Variants in NXNL2 observed in about 807,000 individuals in gnomAD.
The protein encoded by NXNL2 is nucleoredoxin-like protein 2.
In NXNL2, 7 loss-of-function variants were observed where a neutral mutation model predicts 11.1. The observed-to-expected ratio is 0.63, with a 90% CI of 0.36 to 1.18. The LOEUF (loss-of-function observed/expected upper bound fraction) is 1.18, where lower values mean the gene tolerates loss of function less well. Among genes scored for constraint, NXNL2 ranks in the 50% most tolerant of loss-of-function variants. The pLI is 0.02. For missense variants in NXNL2, 233 were observed against 217.7 expected (o/e 1.07, Z -0.44); for synonymous variants, 109 against 101.8 (o/e 1.07, Z -0.42).
At chr9:88,582,447 C>T (rs571181869) in intron 1 of NXNL2, among the ~76,000 whole-genome samples, 1 of 151,230 alleles carries the variant, frequency 6.6e-6, no homozygotes, top group Non-Finnish European at 1.5e-5. Context: ...CCAGCCTGGG[C>T]GACAGAGAGA....
downstream of NXNL2, among the ~76,000 whole-genome samples, chr9:88,545,897 G>A (rs1409183275): frequency 1.3e-5 from 2 of 152,006 alleles, no homozygotes; most frequent in African/African-American, 4.8e-5. Context: ...CTCCCGAGTA[G>A]CTGGGATTAC....
downstream of NXNL2, among the ~76,000 whole-genome samples, chr9:88,546,855 G>T (rs761765115): frequency 6.6e-6 from 1 of 152,154 alleles, no homozygotes; most frequent in African/African-American, 2.4e-5. Context: ...GAAGCAATAC[G>T]TGCTCACTGT....
chr9:88,566,455 A>G (rs1432548851), intron 1 of NXNL2, among the ~76,000 whole-genome samples: 58 of 152,004 alleles, frequency 3.8e-4, no homozygotes, highest in Non-Finnish European at 5.9e-5. Context: ...GGCACGCACC[A>G]CCACACCTGG....
At chr9:88,571,821 C>T (rs184248877) in intron 2 of NXNL2, among the ~76,000 whole-genome samples, 8 of 152,290 alleles carry the variant, frequency 5.3e-5, no homozygotes, top group Non-Finnish European at 1.2e-4. Context: ...GGCCAGTCCT[C>T]CTCAGAATTG....
chr9:88,571,136 G>C (rs1385725589), exon 2 of NXNL2: 5 of 383,350 alleles, frequency 1.3e-5, no homozygotes, highest in Non-Finnish European at 2.5e-5. Context: ...CGTGATCTTA[G>C]CTCACTGCAA....
intron 1 of NXNL2, among the ~76,000 whole-genome samples, chr9:88,583,768 GC>G (rs1587860219): frequency 6.6e-6 from 1 of 152,322 alleles, no homozygotes; most frequent in East Asian, 1.9e-4. Flanking sequence ...TCACAGGGTA[GC>G]CCTAATCTGA....
At chr9:88,571,050 AC>A (rs1206085456) in intron 1 of NXNL2, 1 of 393,158 alleles carries the variant, frequency 2.5e-6, no homozygotes, top group Non-Finnish European at 4.9e-6. Flanking sequence ...GGTCCCCAAT[AC>A]TGTTTTGATG....
At position 88,582,426 on chromosome 9, in the gene NXNL2, A is replaced by G. The variant is rs570806882; in HGVS notation, n.552-1573A>G. On this transcript the variant is annotated intron_variant and non_coding_transcript_variant, in intron 1 of 1. Transcript: ENST00000478686. ...GGAGCTTGCAGTGAGCCGAGATCGC[A>G]CCACTGCACTCCAGCCTGGGCGACA... is the stretch of plus-strand genomic sequence containing the variant. 5.5e-3 allele frequency among the ~76,000 whole-genome samples: 838 copies of G among 152,200 alleles called. 7 individuals are homozygous for G. The highest frequency in any genetic ancestry group is 0.022 in the South Asian group (104 of 4,812).
At position 88,535,339 on chromosome 9, in the gene NXNL2, C is replaced by T. The variant is rs972170480; in HGVS notation, c.-96C>T. The T allele has an allele frequency of 6.2e-6, 8 of 1,283,140 alleles. No homozygotes were observed. The highest frequency in any genetic ancestry group is 7.3e-6 in the Non-Finnish European group (7 of 955,594). 79.5% of individuals were successfully genotyped at this position (1,283,140 alleles called of 1,614,324 possible). A position where few individuals can be genotyped will look rare whatever the true frequency, so the allele number is the denominator to read the frequency against. ...GAGGTCCAGCGCCCGGTGGTGCGGACAGAGGCGGGGCACCGCGGCGCTCGC... is the reference window on the plus strand; with the variant it reads ...GAGGTCCAGCGCCCGGTGGTGCGGATAGAGGCGGGGCACCGCGGCGCTCGC... On this transcript the variant is annotated 5_prime_UTR_variant, in exon 1 of 2. Transcript: ENST00000375854.
chr9:88,561,113 T>C (rs1184383023), intron 1 of NXNL2, among the ~76,000 whole-genome samples: 1 of 152,138 alleles, frequency 6.6e-6, no homozygotes, highest in East Asian at 1.9e-4. Context: ...GAGATTAACA[T>C]TTGAGTCAGT....
chr9:88,540,977 G>T, intron 1 of NXNL2, among the ~76,000 whole-genome samples: 1 of 112,776 alleles, frequency 8.9e-6, no homozygotes. Flanking sequence ...CTAGGGTCTT[G>T]CACCATCATC....
chr9:88,573,654 G>A (rs2118539318), intron 2 of NXNL2, among the ~76,000 whole-genome samples: 1 of 152,336 alleles, frequency 6.6e-6, no homozygotes, highest in Non-Finnish European at 1.5e-5. Context: ...GTTGCCAAGA[G>A]CAGGAGGAGG....
intron 1 of NXNL2, among the ~76,000 whole-genome samples, chr9:88,568,549 A>T (rs1830212303): frequency 6.6e-6 from 1 of 152,208 alleles, no homozygotes; most frequent in Non-Finnish European, 1.5e-5. Context: ...TGCATCTGGC[A>T]TTATCTTTCC....
downstream of NXNL2, among the ~76,000 whole-genome samples, chr9:88,577,344 C>T (rs183058660): frequency 7.0e-3 from 1,066 of 151,980 alleles, 12 homozygotes; most frequent in Middle Eastern, 0.031. Flanking sequence ...GATGCACCCC[C>T]GGGCAGGGGT....
chr9:88,573,661 G>A (rs73490029), intron 2 of NXNL2, among the ~76,000 whole-genome samples: 7,615 of 152,284 alleles, frequency 0.05, 290 homozygotes, highest in African/African-American at 0.093. Flanking sequence ...AGAGCAGGAG[G>A]AGGGGAAATG....
chr9:88,573,567 C>A (rs773898959), intron 2 of NXNL2, among the ~76,000 whole-genome samples: 1 of 152,178 alleles, frequency 6.6e-6, no homozygotes, highest in African/African-American at 2.4e-5. Flanking sequence ...ATAGGATCAT[C>A]ACACTAGGGG....
At chr9:88,557,570 T>C (rs2118481518) in intron 1 of NXNL2, among the ~76,000 whole-genome samples, 1 of 152,356 alleles carries the variant, frequency 6.6e-6, no homozygotes, top group South Asian at 2.1e-4. Context: ...CTATACCCTG[T>C]GTTCAGGTGG....
intron 1 of NXNL2, among the ~76,000 whole-genome samples, chr9:88,564,439 G>A (rs1830138592): frequency 6.6e-6 from 1 of 151,512 alleles, no homozygotes; most frequent in South Asian, 2.1e-4. Flanking sequence ...TTTTTGAGAT[G>A]GAGTTTCACT....
intron 1 of NXNL2, among the ~76,000 whole-genome samples, chr9:88,560,465 A>T (rs73652589): frequency 0.029 from 4,357 of 152,166 alleles, 233 homozygotes; most frequent in African/African-American, 0.098. Flanking sequence ...GCAAAGATCC[A>T]CATGGTGGAT....
Sources: allele counts gnomAD v4.1 joint callset (sites outside exome capture counted in the v4.1 genomes callset), GRCh38; gene constraint gnomAD v4.1.1; transcripts MANE v1.5; gene names NCBI Gene and HGNC (gene_info 2026-07-23, HGNC 2026-07-21).